Variants in HIP1 observed in about 807,000 individuals in gnomAD.
HIP1 encodes the protein huntingtin-interacting protein 1.
A neutral mutation model predicts 147.6 loss-of-function variants in HIP1; 65 were observed. The ratio of observed to expected loss-of-function variants is 0.44; its 90% CI spans 0.36 to 0.54. The LOEUF is 0.54. HIP1 is among the 20% of genes least tolerant of loss of function. HIP1 has a pLI of 0.00. For missense variants in HIP1, 1,061 were observed against 1,299.6 expected (o/e 0.82, Z 2.82); for synonymous variants, 479 against 504.0 (o/e 0.95, Z 0.67).
chr7:75,699,163 C>T (rs1017897011), intron 1 of HIP1, among the ~76,000 whole-genome samples: 10 of 151,916 alleles, frequency 6.6e-5, no homozygotes, highest in Non-Finnish European at 1.5e-5. Flanking sequence ...CCAGGCTGAA[C>T]CTGAACTCCT....
intron 29 of HIP1, among the ~76,000 whole-genome samples, chr7:75,540,301 T>C (rs1794256228): frequency 6.6e-6 from 1 of 151,816 alleles, no homozygotes; most frequent in Non-Finnish European, 1.5e-5. Context: ...TGGTGGTGCA[T>C]GTCTGTAATC....
In HIP1 at chr7:75,553,478, A is replaced by G. The variant is rs1794867396; in HGVS notation, c.2270T>C (p.Leu757Pro). ...CTCGCCGATGGCCTTGATCTTGCTC[A>G]GGCAGTTCCTCATGGCTGTGCTGTC... is the stretch of plus-strand genomic sequence containing the variant. ...NADSTAMRNC[L>P]SKIKAIGEEL... Residue 757 changes from leucine (L) to proline (P), a missense_variant, in exon 22 of 31, where the codon CTG becomes CCG. Coordinates refer to ENST00000336926, the MANE Select transcript of HIP1 (RefSeq NM_005338.7). The G allele has an allele frequency of 1.2e-6, 2 of 1,614,048 alleles. No homozygotes were observed. Among genetic ancestry groups the G allele is most frequent in the Admixed American group, 3.3e-5 (2 of 59,998 alleles).
intron 1 of HIP1, among the ~76,000 whole-genome samples, chr7:75,683,792 G>A (rs4731637): frequency 0.37 from 56,525 of 152,126 alleles, 10,827 homozygotes; most frequent in African/African-American, 0.43. Context: ...GGAGAAAAGA[G>A]AAACAAATGG....
rs782247108 is a variant in HIP1, at chr7:75,568,987, C to T, written c.746-731G>A. Among the ~76,000 whole-genome samples, 6 of 151,872 alleles carry T rather than the reference C, an allele frequency of 4.0e-5. No individual in the cohort carries two copies. The highest frequency in any genetic ancestry group is 1.9e-4 in the East Asian group (1 of 5,138). ...TTGCACCACTGCACTCCAGCCTGGG[C>T]GACAGTGAGACTCTGTCAAAAAAAA... On this transcript the variant is annotated intron_variant, in intron 8 of 30. Coordinates refer to ENST00000336926, the MANE Select transcript of HIP1 (RefSeq NM_005338.7). The surrounding 1 kb of genome is among the most constrained non-coding windows in gnomAD (Gnocchi z 4.1).
chr7:75,738,536 A>G (rs977466588), intron 1 of HIP1, among the ~76,000 whole-genome samples: 1 of 151,752 alleles, frequency 6.6e-6, no homozygotes, highest in Non-Finnish European at 1.5e-5. Flanking sequence ...CCTGCCCGGT[A>G]CCCAGCCGAT....
Position 75,685,258 on chromosome 7 carries a change from A to T in HIP1, c.120+53543T>A, listed in dbSNP as rs529950806. On this transcript the variant is annotated intron_variant, in intron 1 of 30. Coordinates refer to ENST00000336926, the MANE Select transcript of HIP1 (RefSeq NM_005338.7). ...TGAGACCCCGTTTCTACCAAAAAAA[A>T]CCCCAAAAGCCAAACTTCTATTTCC... Among the ~76,000 whole-genome samples the T allele has an allele frequency of 2.8e-4, 42 of 151,732 alleles. 1 individual carries two copies. The highest frequency in any genetic ancestry group is 2.4e-3 in the Admixed American group (37 of 15,192).
intron 1 of HIP1, among the ~76,000 whole-genome samples, chr7:75,719,141 G>T (rs1801414390): frequency 6.6e-6 from 1 of 151,932 alleles, no homozygotes; most frequent in African/African-American, 2.4e-5. Context: ...AACATAGAGA[G>T]ATCCTGTCTC....
At chr7:75,652,558 C>A (rs1351100709) in intron 1 of HIP1, among the ~76,000 whole-genome samples, 1 of 151,832 alleles carries the variant, frequency 6.6e-6, no homozygotes, top group Non-Finnish European at 1.5e-5. Flanking sequence ...GAAATGGTGT[C>A]TCGTTTTTGT....
chr7:75,652,432 T>G (rs1392843270), intron 1 of HIP1, among the ~76,000 whole-genome samples: 2 of 152,150 alleles, frequency 1.3e-5, no homozygotes, highest in Non-Finnish European at 2.9e-5. Flanking sequence ...GGTGCGATTA[T>G]AACTCACTGC....
At chr7:75,690,760 G>A (rs1172509135) in intron 1 of HIP1, among the ~76,000 whole-genome samples, 6 of 152,056 alleles carry the variant, frequency 3.9e-5, no homozygotes, top group Non-Finnish European at 1.5e-5. Flanking sequence ...TACTCGGAAG[G>A]CTGAGGCAGG....
intron 1 of HIP1, among the ~76,000 whole-genome samples, chr7:75,640,625 C>T (rs374695717): frequency 2.2e-4 from 33 of 151,898 alleles, no homozygotes; most frequent in African/African-American, 7.2e-4. Context: ...GGGTGGTGTG[C>T]GCCTATAATC....
intron 8 of HIP1, among the ~76,000 whole-genome samples, chr7:75,570,354 C>T (rs748167372): frequency 1.3e-5 from 2 of 150,500 alleles, no homozygotes; most frequent in African/African-American, 2.4e-5. Context: ...TGCAGTGGCA[C>T]GATCTCGGCT....
intron 14 of HIP1, 25 bp downstream of exon 14, chr7:75,559,707 G>GGCC: frequency 9.2e-7 from 1 of 1,087,360 alleles, no homozygotes; most frequent in Non-Finnish European, 1.2e-6. Context: ...CCCGGGGCCC[G>GGCC]CCCCCGCCCC....
intron 1 of HIP1, among the ~76,000 whole-genome samples, chr7:75,692,484 G>A (rs1275844833): frequency 1.3e-5 from 2 of 151,554 alleles, no homozygotes; most frequent in Non-Finnish European, 2.9e-5. Flanking sequence ...ACAGTGGCGC[G>A]ATCTTGGCTT....
chr7:75,611,508 T>C (rs1400625820), intron 1 of HIP1, among the ~76,000 whole-genome samples: 1 of 151,148 alleles, frequency 6.6e-6, no homozygotes, highest in African/African-American at 2.4e-5. Flanking sequence ...AGGTATGTGA[T>C]TCACAGTCTC....
In HIP1 at chr7:75,738,752, C is replaced by T; in HGVS notation, c.120+49G>A. On this transcript the variant is annotated intron_variant, in intron 1 of 30. Transcript: ENST00000336926. Reference sequence around the variant, plus strand: ...TCCCTTCAAAGCCCCTCCCGGACACCGCGTCCCTCAGGGTGCCCCAGGGAT... The same window carrying T: ...TCCCTTCAAAGCCCCTCCCGGACACTGCGTCCCTCAGGGTGCCCCAGGGAT... 2.5e-6 allele frequency: 4 copies of T among 1,577,286 alleles called. No individual in the cohort carries two copies. In the East Asian group the frequency reaches 9.5e-5, roughly 37 times the overall value.
At position 75,561,961 on chromosome 7, in the gene HIP1, G is replaced by T. The variant is rs587716889; in HGVS notation, c.1118+112C>A. On this transcript the variant is annotated intron_variant, in intron 12 of 30. Coordinates refer to ENST00000336926, the MANE Select transcript of HIP1 (RefSeq NM_005338.7). The stretch of plus-strand genomic sequence containing the variant: ...TGCCCCCAACCCTTCAAGATGTTCT[G>T]TATCTAAGAAGCCCCAGTATCATTA... 222 of 702,872 alleles carry T rather than the reference G, an allele frequency of 3.2e-4. No individual in the cohort carries two copies. The South Asian group carries it at 3.6e-3, about 11-fold the overall frequency. 43.5% of individuals were successfully genotyped at this position (702,872 alleles called of 1,614,324 possible). A position where few individuals can be genotyped will look rare whatever the true frequency, so the allele number is the denominator to read the frequency against.
At chr7:75,664,324 ACATG>A (rs1324097207) in intron 1 of HIP1, among the ~76,000 whole-genome samples, 10 of 146,544 alleles carry the variant, frequency 6.8e-5, no homozygotes, top group African/African-American at 2.2e-4. Context: ...GTATACATAC[ACATG>A]CATATATATG....
intron 1 of HIP1, among the ~76,000 whole-genome samples, chr7:75,606,505 G>T (rs1797229999): frequency 6.6e-6 from 1 of 151,980 alleles, no homozygotes; most frequent in African/African-American, 2.4e-5. Flanking sequence ...GAACACGGGA[G>T]GTGCAGGTTG....
Sources: allele counts gnomAD v4.1 joint callset (sites outside exome capture counted in the v4.1 genomes callset), GRCh38; gene constraint gnomAD v4.1.1; non-coding constraint Gnocchi (gnomAD v3.1); transcripts MANE v1.5; gene names NCBI Gene and HGNC (gene_info 2026-07-23, HGNC 2026-07-21).